Variants in PMS2 observed in about 807,000 individuals in gnomAD.
PMS2 encodes mismatch repair endonuclease PMS2.
Under a neutral mutation model 90.0 loss-of-function variants are expected in PMS2, and 69 were observed. That is an observed-to-expected ratio of 0.77 (90% confidence interval 0.63 to 0.94). The LOEUF (loss-of-function observed/expected upper bound fraction) is 0.94, where lower values mean the gene tolerates loss of function less well. Among genes scored for constraint, PMS2 ranks in the 40% least tolerant of loss-of-function variants. The pLI, the probability that PMS2 is intolerant of heterozygous loss-of-function variation, is 0.00. For synonymous variants in PMS2, 332 were observed against 375.1 expected, an observed-to-expected ratio of 0.89 and a Z score of 1.33; for missense variants, 966 against 1,040.2, an observed-to-expected ratio of 0.93 and a Z score of 0.98.
intron 5 of PMS2, among the ~76,000 whole-genome samples, chr7:5,999,627 C>CA (rs1784875269): frequency 6.8e-6 from 1 of 148,028 alleles, no homozygotes; most frequent in Non-Finnish European, 1.5e-5. Flanking sequence ...CCTGTCTCTA[C>CA]AAAAAATTTA....
intron 1 of PMS2, 29 bp downstream of exon 1, chr7:6,008,968 G>C (rs372733983): frequency 6.2e-7 from 1 of 1,612,162 alleles, no homozygotes; most frequent in African/African-American, 1.3e-5. Context: ...CGCGAGAGGG[G>C]ACACCGGAAG....
intron 5 of PMS2, among the ~76,000 whole-genome samples, chr7:6,001,814 G>T (rs1013123916): frequency 6.6e-6 from 1 of 150,548 alleles, no homozygotes; most frequent in Non-Finnish European, 1.5e-5. Context: ...ACAACATGGT[G>T]AAACCCCGTC....
rs774629715 is a variant in PMS2 at position 5,999,221 on chromosome 7, T to C, written c.592A>G (p.Ile198Val). The C allele has an allele frequency of 3.1e-6, 5 of 1,613,998 alleles. No individual in the cohort carries two copies. The African/African-American group carries it at 5.3e-5, about 17-fold the overall frequency. ...LHAYCIISAG[I>V]RVSCTNQLGQ... ...AGCTGATTGGTGCAACTTACACGGA[T>C]GCCTGCTGAAATGATACAGTATGCA... is the stretch of plus-strand genomic sequence containing the variant. The change falls in exon 6 of 15, where the codon ATC (isoleucine) becomes GTC (valine). Residue 198 changes from isoleucine to valine, a missense_variant. Physicochemically the swap from Ile to Val is conservative, Grantham distance 29. This residue lies in a region of PMS2 where 871 missense variants were observed against 802.4 expected (regional missense o/e 1.09). Transcript: ENST00000265849.
intron 7 of PMS2, among the ~76,000 whole-genome samples, chr7:5,995,983 T>C (rs1248200134): frequency 2.0e-5 from 3 of 152,152 alleles, no homozygotes; most frequent in East Asian, 1.9e-4. Flanking sequence ...CTGCCACCCC[T>C]GGTTTGTCAA....
At position 5,986,993 on chromosome 7, in the gene PMS2, C is replaced by G. The variant is rs1583315717; in HGVS notation, c.1772G>C (p.Cys591Ser). 6.2e-7 allele frequency: 1 copy of G among 1,614,166 alleles called. No homozygotes were observed. The highest frequency in any genetic ancestry group is 8.5e-7 in the Non-Finnish European group (1 of 1,180,034). Residue 591 changes from cysteine (C) to serine (S), a missense_variant, in exon 11 of 15, where the codon TGT becomes TCT. By Grantham distance (112) the Cys-to-Ser change is moderately radical (BLOSUM62 -1). Around this residue, in one of 2 missense-constraint regions of PMS2, gnomAD observed 871 missense variants for 802.4 expected, o/e 1.09. Coordinates refer to ENST00000265849, the MANE Select transcript of PMS2 (RefSeq NM_000535.7). ...GTCCTGAGTATTTACTAACTTTTGA[C>G]AAATGTCAGAACTGGAAAGAATTTC... ...KEEILSSSDICQKLVNTQDMS... is the reference protein window; with the variant it reads ...KEEILSSSDISQKLVNTQDMS...
At chr7:5,989,336 C>T (rs1044787862) in intron 10 of PMS2, among the ~76,000 whole-genome samples, 3 of 151,984 alleles carry the variant, frequency 2.0e-5, no homozygotes, top group Non-Finnish European at 4.4e-5. Flanking sequence ...GAGGCTGAGG[C>T]AGGAGAATCT....
intron 6 of PMS2, among the ~76,000 whole-genome samples, chr7:5,997,829 C>A (rs1784601681): frequency 6.6e-6 from 1 of 152,122 alleles, no homozygotes; most frequent in Non-Finnish European, 1.5e-5. Context: ...GGTTCAAACA[C>A]ATAATCCCAA....
Position 5,999,098 on chromosome 7 carries a change from C to T in PMS2, c.705+10G>A, listed in dbSNP as rs770203880. On this transcript the variant is annotated intron_variant, in intron 6 of 14. Coordinates refer to ENST00000265849, the MANE Select transcript of PMS2 (RefSeq NM_000535.7). ...CAATAAGAGGCGTTGAAGTAACCGG[C>T]CATCACTACCTGCTTCTGCCCAAAC... The T allele has an allele frequency of 1.7e-5, 28 of 1,613,616 alleles. No individual in the cohort carries two copies. Among genetic ancestry groups the T allele is most frequent in the Non-Finnish European group, 2.3e-5 (27 of 1,179,660 alleles).
chr7:5,986,697 A>C (rs1782906017), intron 11 of PMS2, 62 bp downstream of exon 11: 5 of 1,316,490 alleles, frequency 3.8e-6, no homozygotes, highest in African/African-American at 1.5e-5. Context: ...GTCTCAAAAA[A>C]ATAAAAAATA....
chr7:5,996,346 G>A (rs1014943512), intron 7 of PMS2, among the ~76,000 whole-genome samples: 12 of 152,140 alleles, frequency 7.9e-5, no homozygotes, highest in Admixed American at 7.2e-4. Flanking sequence ...CTGAGGTCAG[G>A]AGTTCAAGAC....
intron 6 of PMS2, among the ~76,000 whole-genome samples, chr7:5,997,878 G>C (rs76984954): frequency 0.025 from 3,834 of 152,212 alleles, 141 homozygotes; most frequent in African/African-American, 0.086. Context: ...ACATGTGTGA[G>C]CCGTGGGAAC....
intron 5 of PMS2, among the ~76,000 whole-genome samples, chr7:6,000,649 A>C (rs1028813604): frequency 1.3e-5 from 2 of 152,166 alleles, no homozygotes; most frequent in African/African-American, 2.4e-5. Flanking sequence ...AAAAAGAGTA[A>C]GTTTTCTCTA....
Position 6,008,905 on chromosome 7 carries a change from A to C in PMS2, c.23+92T>G, listed in dbSNP as rs535888279. On this transcript the variant is annotated intron_variant, in intron 1 of 14. Coordinates refer to ENST00000265849, the MANE Select transcript of PMS2 (RefSeq NM_000535.7). ...GGCTGCCTCGCCACGCGCCTCGGCCATGTTCCCCCCATTTCCAGGGAGGTT... is the reference window on the plus strand; with the variant it reads ...GGCTGCCTCGCCACGCGCCTCGGCCCTGTTCCCCCCATTTCCAGGGAGGTT... 7 of 1,488,852 alleles carry C rather than the reference A, an allele frequency of 4.7e-6. No individual in the cohort carries two copies. The South Asian group carries it at 7.9e-5, about 17-fold the overall frequency. The allele number at this position is 1,488,852 out of a possible 1,614,324, so 92.2% of individuals were successfully genotyped here.
rs1805324 is a variant in PMS2 at position 5,986,899 on chromosome 7, C to T, written c.1866G>A (p.Met622Ile). The change falls in exon 11 of 15, where the codon ATG (methionine) becomes ATA (isoleucine). Residue 622 changes from methionine to isoleucine, a missense_variant. Coordinates refer to ENST00000265849, the MANE Select transcript of PMS2 (RefSeq NM_000535.7). Reference sequence around the variant, plus strand: ...GCTTTATTCGTTTAGCTAAAGAACTCATAGAAAAGTCCAGGGGCACAACTT... The same window carrying T: ...GCTTTATTCGTTTAGCTAAAGAACTTATAGAAAAGTCCAGGGGCACAACTT... ...NKKVVPLDFS[M>I]SSLAKRIKQL... 0.019 allele frequency: 30,737 copies of T among 1,614,076 alleles called. 403 individuals are homozygous for T. The highest frequency in any genetic ancestry group is 0.022 in the Non-Finnish European group (25,651 of 1,179,974).
chr7:5,989,742 T>G lies in PMS2; in HGVS notation c.1144+58A>C, dbSNP rs1377440678. 5 of 1,349,486 alleles carry G rather than the reference T, an allele frequency of 3.7e-6. No individual in the cohort carries two copies. In the Admixed American group the frequency reaches 6.2e-5, roughly 17 times the overall value. 83.6% of individuals were successfully genotyped at this position (1,349,486 alleles called of 1,614,324 possible). ...CAAAAAAAAGTTTACTTGGAAAAAA[T>G]AAGGAAACACATTAGCTAAAAGCTT... is the stretch of plus-strand genomic sequence containing the variant. On this transcript the variant is annotated intron_variant, in intron 10 of 14. Coordinates refer to ENST00000265849, the MANE Select transcript of PMS2 (RefSeq NM_000535.7).
intron 1 of PMS2, among the ~76,000 whole-genome samples, chr7:6,006,771 C>T (rs1376502276): frequency 1.3e-5 from 2 of 152,116 alleles, no homozygotes; most frequent in Non-Finnish European, 2.9e-5. Flanking sequence ...TCCTTATACA[C>T]AGTTGCCTTT....
At position 5,997,425 on chromosome 7, in the gene PMS2, T is replaced by G. The variant is rs745487791; in HGVS notation, c.706-2A>C. On this transcript the variant is annotated splice_acceptor_variant, in intron 6 of 14. Transcript: ENST00000265849. LOFTEE classifies it high-confidence loss of function. The stretch of plus-strand genomic sequence containing the variant: ...AACAAAAGGAATGAGGCTTTGCAAC[T>G]GAAAAAAAAAAAAAAAAATTCACAG... The G allele has an allele frequency of 7.0e-7, 1 of 1,424,096 alleles. No individual in the cohort carries two copies. The highest frequency in any genetic ancestry group is 1.2e-5 in the South Asian group (1 of 81,556). 88.2% of individuals were successfully genotyped at this position (1,424,096 alleles called of 1,614,324 possible). A position where few individuals can be genotyped will look rare whatever the true frequency, so the allele number is the denominator to read the frequency against.
chr7:6,008,101 C>G (rs903771831), intron 1 of PMS2, among the ~76,000 whole-genome samples: 1 of 152,134 alleles, frequency 6.6e-6, no homozygotes, highest in Non-Finnish European at 1.5e-5. Context: ...TCATGATCCA[C>G]CCGCCTTGGC....
chr7:5,997,235 G>A lies in PMS2; in HGVS notation c.803+91C>T, dbSNP rs142290774. The A allele has an allele frequency of 2.5e-3, 1,718 of 690,362 alleles. 6 individuals carry two copies. The highest frequency in any genetic ancestry group is 3.8e-3 in the South Asian group (225 of 59,382). 42.8% of individuals were successfully genotyped at this position (690,362 alleles called of 1,614,324 possible). ...TCTCAAGAAAAAAAAAAAAAGACAC[G>A]AAACTATTAGCCTTAGAATCACTAT... On this transcript the variant is annotated intron_variant, in intron 7 of 14. Coordinates refer to ENST00000265849, the MANE Select transcript of PMS2 (RefSeq NM_000535.7).
Sources: allele counts gnomAD v4.1 joint callset (sites outside exome capture counted in the v4.1 genomes callset), GRCh38; gene constraint gnomAD v4.1.1; regional missense constraint gnomAD v4.1.1; transcripts MANE v1.5; gene names NCBI Gene and HGNC (gene_info 2026-07-23, HGNC 2026-07-21).